ARID5B: variants seen among roughly 807,000 people sequenced by gnomAD.
The protein encoded by ARID5B is AT-rich interaction domain 5B, also known as AT-rich interactive domain-containing protein 5B.
In ARID5B, 13 loss-of-function variants were observed where a neutral mutation model predicts 97.2. The observed-to-expected ratio is 0.13, with a 90% CI of 0.09 to 0.21. The LOEUF is 0.21. ARID5B is among the 10% of genes least tolerant of loss of function. The probability of loss-of-function intolerance (pLI) is 1.00; values close to 1 mark genes in which losing one functional copy is unlikely to be tolerated. For synonymous variants in ARID5B, 556 were observed against 570.3 expected (o/e 0.97, Z 0.36); for missense variants, 1,210 against 1,465.3 (o/e 0.83, Z 2.84).
At chr10:62,027,288 T>C (rs1839433996) in intron 4 of ARID5B, among the ~76,000 whole-genome samples, 2 of 16,560 alleles carry the variant, frequency 1.2e-4, no homozygotes, top group East Asian at 3.4e-3. Context: ...GTATCTCCTT[T>C]TTTTTTTTTT....
At chr10:62,079,475 T>C (rs1030831621) in intron 8 of ARID5B, among the ~76,000 whole-genome samples, 10 of 152,190 alleles carry the variant, frequency 6.6e-5, no homozygotes, top group African/African-American at 2.4e-4. Context: ...GCTGTTAATA[T>C]TGTAATGCCT....
intron 4 of ARID5B, among the ~76,000 whole-genome samples, chr10:62,019,181 A>C (rs1235129866): frequency 6.6e-6 from 1 of 152,238 alleles, no homozygotes; most frequent in Non-Finnish European, 1.5e-5. Context: ...CACAATGGAA[A>C]AGAGAAGTGG....
rs754331196 is a variant in ARID5B at position 62,092,044 on chromosome 10, A to G, written c.2581A>G (p.Met861Val). The change falls in exon 10 of 10, where the codon ATG becomes GTG. Residue 861 changes from methionine to valine, a missense_variant. Physicochemically the swap from Met to Val is conservative, Grantham distance 21 (BLOSUM62 1). Transcript: ENST00000279873. Reference protein sequence around the residue: ...EQTSKYPSRDMYRESENSSFP... With the variant: ...EQTSKYPSRDVYRESENSSFP... ...GACATCCAAATACCCTTCCAGGGAC[A>G]TGTACAGGGAATCGGAAAACAGTTC... is the stretch of plus-strand genomic sequence containing the variant. The G allele has an allele frequency of 8.7e-6, 14 of 1,614,036 alleles. No individual in the cohort carries two copies. Among genetic ancestry groups the G allele is most frequent in the African/African-American group, 2.7e-5 (2 of 74,926 alleles).
chr10:62,086,873 T>C (rs1044121251), intron 9 of ARID5B, among the ~76,000 whole-genome samples: 2 of 64,924 alleles, frequency 3.1e-5, no homozygotes, highest in African/African-American at 1.2e-4. Context: ...AAAAAATGCT[T>C]TGGAGGTCCA....
chr10:61,917,485 C>T (rs949009927), intron 2 of ARID5B, among the ~76,000 whole-genome samples: 5 of 152,106 alleles, frequency 3.3e-5, no homozygotes, highest in African/African-American at 7.2e-5. Context: ...AGCACCACCA[C>T]GCCCGGCTAA....
intron 3 of ARID5B, 109 bp from the exon 4 acceptor site, chr10:61,999,980 TGA>T (rs1286551174): frequency 9.5e-7 from 1 of 1,050,862 alleles, no homozygotes; most frequent in Non-Finnish European, 1.4e-6. Flanking sequence ...GTAACAAGGA[TGA>T]GAGTCTTTTT....
rs1345168871 is a variant in ARID5B, at chr10:62,059,195, A to C, written c.1049-48A>C. ...AATGTTTTAATTGACATTTCTTGGA[A>C]GTATGTTAATGCAATGCTTATCTAA... On this transcript the variant is annotated intron_variant, in intron 6 of 9. Transcript: ENST00000279873. 4 of 1,404,632 alleles carry C rather than the reference A, an allele frequency of 2.8e-6. No individual in the cohort carries two copies. In the Admixed American group the frequency reaches 6.2e-5, roughly 22 times the overall value. 87.0% of individuals were successfully genotyped at this position (1,404,632 alleles called of 1,614,324 possible).
At chr10:62,071,078 C>A (rs1207620753) in intron 8 of ARID5B, among the ~76,000 whole-genome samples, 2 of 141,816 alleles carry the variant, frequency 1.4e-5, no homozygotes, top group African/African-American at 5.3e-5. Context: ...CCTCTGTCAC[C>A]AGGCTACAGT....
At chr10:61,960,385 TA>T (rs1324845989) in intron 3 of ARID5B, among the ~76,000 whole-genome samples, 6 of 152,176 alleles carry the variant, frequency 3.9e-5, no homozygotes, top group African/African-American at 1.4e-4. Flanking sequence ...TTCTATGGCT[TA>T]ATTTTTATAT....
At chr10:62,082,438 T>A (rs1285959655) in intron 8 of ARID5B, among the ~76,000 whole-genome samples, 1 of 152,226 alleles carries the variant, frequency 6.6e-6, no homozygotes, top group Admixed American at 6.5e-5. Flanking sequence ...TTCTTAGAGT[T>A]GCAGTCCATT....
chr10:62,020,995 T>C (rs1225802510), intron 4 of ARID5B, among the ~76,000 whole-genome samples: 1 of 147,918 alleles, frequency 6.8e-6, no homozygotes, highest in African/African-American at 2.5e-5. Context: ...TGAGCATTTG[T>C]GGCAGTGCAC....
intron 5 of ARID5B, among the ~76,000 whole-genome samples, chr10:62,054,980 AG>A (rs1839836471): frequency 6.6e-6 from 1 of 152,200 alleles, no homozygotes; most frequent in Non-Finnish European, 1.5e-5. Flanking sequence ...TGAAGCCCAC[AG>A]CACTGTATCT....
In ARID5B at chr10:61,902,430, T is replaced by C. The variant is rs757238857; in HGVS notation, c.276+17T>C. Reference sequence around the variant, plus strand: ...CATGGCGAGGTGGTAAACCTGTCTGTCCCCCTCTTCTTTCTTTATTATTTT... The same window carrying C: ...CATGGCGAGGTGGTAAACCTGTCTGCCCCCCTCTTCTTTCTTTATTATTTT... On this transcript the variant is annotated intron_variant, in intron 2 of 9. Coordinates refer to ENST00000279873, the MANE Select transcript of ARID5B (RefSeq NM_032199.3). The C allele has an allele frequency of 2.5e-6, 4 of 1,609,044 alleles. No homozygotes were observed. The highest frequency in any genetic ancestry group is 3.4e-6 in the Non-Finnish European group (4 of 1,176,876).
At chr10:61,912,528 C>G (rs2088512284) in intron 2 of ARID5B, among the ~76,000 whole-genome samples, 1 of 151,690 alleles carries the variant, frequency 6.6e-6, no homozygotes, top group African/African-American at 2.4e-5. Context: ...CATTGTATAC[C>G]TTAAATATAT....
chr10:61,949,346 C>T (rs538582447), intron 3 of ARID5B, among the ~76,000 whole-genome samples: 1 of 152,148 alleles, frequency 6.6e-6, no homozygotes, highest in South Asian at 2.1e-4. Flanking sequence ...GATAAAAGAC[C>T]ATGATGGAGG....
chr10:62,070,812 T>C (rs577898607), intron 8 of ARID5B, among the ~76,000 whole-genome samples: 4 of 152,320 alleles, frequency 2.6e-5, no homozygotes, highest in Admixed American at 1.3e-4. Flanking sequence ...TTACTCTTTA[T>C]AGCATTGTTT....
intron 3 of ARID5B, among the ~76,000 whole-genome samples, chr10:61,946,105 A>G (rs1157426274): frequency 6.7e-6 from 1 of 150,054 alleles, no homozygotes; most frequent in Non-Finnish European, 1.5e-5. Flanking sequence ...ATAAACTTTT[A>G]TCCTCCTGAA....
intron 2 of ARID5B, among the ~76,000 whole-genome samples, chr10:61,916,009 G>A (rs1014138712): frequency 3.3e-5 from 5 of 152,088 alleles, no homozygotes; most frequent in African/African-American, 1.2e-4. Context: ...ACCCACCTCA[G>A]CCTCCCAAAG....
chr10:62,027,871 G>T (rs1018853820), intron 4 of ARID5B, among the ~76,000 whole-genome samples: 1 of 152,120 alleles, frequency 6.6e-6, no homozygotes, highest in Non-Finnish European at 1.5e-5. Flanking sequence ...CAGCACCCTT[G>T]TGATGTTTCT....
Sources: allele counts gnomAD v4.1 joint callset (sites outside exome capture counted in the v4.1 genomes callset), GRCh38; gene constraint gnomAD v4.1.1; transcripts MANE v1.5; gene names NCBI Gene and HGNC (gene_info 2026-07-23, HGNC 2026-07-21).